RAB3IL1: variants seen among roughly 807,000 people sequenced by gnomAD.
The protein encoded by RAB3IL1 is RAB3A interacting protein like 1.
Under a neutral mutation model 49.2 loss-of-function variants are expected in RAB3IL1, and 37 were observed. The ratio of observed to expected loss-of-function variants is 0.75; its 90% CI spans 0.58 to 0.99. RAB3IL1 has a LOEUF of 0.99. Among genes scored for constraint, RAB3IL1 ranks in the 50% least tolerant of loss-of-function variants. The pLI, the probability that RAB3IL1 is intolerant of heterozygous loss-of-function variation, is 0.00. For synonymous variants in RAB3IL1, 193 were observed against 213.9 expected (o/e 0.90, Z 0.85); for missense variants, 484 against 513.0 (o/e 0.94, Z 0.55).
upstream of RAB3IL1, chr11:61,917,574 AG>A (rs977901926): frequency 5.5e-6 from 6 of 1,081,322 alleles, no homozygotes; most frequent in East Asian, 6.5e-5. Flanking sequence ...CACGTGGCGG[AG>A]GGGGGAGCGG....
chr11:61,905,173 G>C (rs174475), intron 5 of RAB3IL1, among the ~76,000 whole-genome samples: 54,638 of 152,114 alleles, frequency 0.36, 11,442 homozygotes, highest in Non-Finnish European at 0.47. Context: ...AAGACCCTCA[G>C]TGCCTCCTTG....
chr11:61,924,321 T>A (rs1939960959), upstream of RAB3IL1, among the ~76,000 whole-genome samples: 1 of 152,148 alleles, frequency 6.6e-6, no homozygotes, highest in Non-Finnish European at 1.5e-5. Context: ...AGTCGTCATC[T>A]TTGCTTCTTC....
rs1374573939 is a variant in RAB3IL1 at position 61,917,553 on chromosome 11, C to T, written c.-186G>A. On this transcript the variant is annotated 5_prime_UTR_variant, in exon 1 of 10. Transcript: ENST00000394836. ...GCCCCCAGCCCAGCCCCGACCCTGC[C>T]CTGGGCGGGTCACGTGGCGGAGGGG... The T allele has an allele frequency of 4.5e-6, 5 of 1,100,464 alleles. No homozygotes were observed. Among genetic ancestry groups the T allele is most frequent in the Non-Finnish European group, 5.5e-6 (5 of 905,836 alleles). 68.2% of individuals were successfully genotyped at this position (1,100,464 alleles called of 1,614,324 possible).
chr11:61,898,231 G>A lies in RAB3IL1; in HGVS notation c.*47C>T, dbSNP rs373998891. 7.1e-6 allele frequency: 11 copies of A among 1,549,410 alleles called. No homozygotes were observed. In the African/African-American group the frequency reaches 1.2e-4, roughly 17 times the overall value. ...CCTGTGTGTCGGCTTGTTCTGGGGTGGGTGTTTGCTCTGTCTCAGAGCTCC... is the reference window on the plus strand; with the variant it reads ...CCTGTGTGTCGGCTTGTTCTGGGGTAGGTGTTTGCTCTGTCTCAGAGCTCC... On this transcript the variant is annotated 3_prime_UTR_variant, in exon 10 of 10. Coordinates refer to ENST00000394836, the MANE Select transcript of RAB3IL1 (RefSeq NM_013401.4). This position sits in a 1 kb window ranked among gnomAD's most constrained non-coding sequence, Gnocchi z 5.1.
chr11:61,902,452 G>T lies in RAB3IL1; in HGVS notation c.989C>A (p.Ser330Tyr). The change falls in exon 8 of 10, where the codon TCC becomes TAC. Residue 330 changes from serine to tyrosine, a missense_variant. Coordinates refer to ENST00000394836, the MANE Select transcript of RAB3IL1 (RefSeq NM_013401.4). The stretch of plus-strand genomic sequence containing the variant: ...CAAAGGCTGACTCACCCTGGCCCGG[G>T]AAGATGGCGAGATGTAGTAATGGCT... Reference protein sequence around the residue: ...SKSHYYISPSSRARITAVCNF... With the variant: ...SKSHYYISPSYRARITAVCNF... The T allele has an allele frequency of 6.3e-7, 1 of 1,593,162 alleles. No individual in the cohort carries two copies. The highest frequency in any genetic ancestry group is 1.8e-5 in the Admixed American group (1 of 55,132).
Position 61,898,313 on chromosome 11 carries a change from G to A in RAB3IL1, c.1114C>T (p.Leu372=), listed in dbSNP as rs1938716082. 6.2e-7 allele frequency: 1 copy of A among 1,613,476 alleles called. No homozygotes were observed. The change falls in exon 10 of 10, where the codon CTG becomes TTG. Residue 372 remains leucine (L), a synonymous_variant. Coordinates refer to ENST00000394836, the MANE Select transcript of RAB3IL1 (RefSeq NM_013401.4). The surrounding 1 kb of genome is among the most constrained non-coding windows in gnomAD (Gnocchi z 5.1). ...EIMRLRKEMS[L]AKLGFFPQEA is the part of the protein sequence containing the mutation. ...TGGGGGAAGAAGCCGAGCTTGGCCAGTGACATCTCCTTCCGCAACCTCATG... is the reference window on the plus strand; with the variant it reads ...TGGGGGAAGAAGCCGAGCTTGGCCAATGACATCTCCTTCCGCAACCTCATG...
chr11:61,936,744 C>T, the RAB3IL1 span, among the ~76,000 whole-genome samples: 1 of 152,124 alleles, frequency 6.6e-6, no homozygotes, highest in Non-Finnish European at 1.5e-5. Flanking sequence ...CCATGGGGGC[C>T]AGATAGTGGG....
chr11:61,913,977 A>G (rs1196896070), intron 1 of RAB3IL1, among the ~76,000 whole-genome samples: 1 of 152,198 alleles, frequency 6.6e-6, no homozygotes, highest in Non-Finnish European at 1.5e-5. Context: ...CCACCTGTTG[A>G]GGGGTAGAGT....
At chr11:61,923,180 G>A (rs1190851226), upstream of RAB3IL1, among the ~76,000 whole-genome samples, 7 of 152,226 alleles carry the variant, frequency 4.6e-5, no homozygotes, top group Admixed American at 1.3e-4. Flanking sequence ...GAAGCTTTGA[G>A]GATCTTGTCT....
chr11:61,904,683 AG>A, intron 6 of RAB3IL1, 25 bp from the exon 7 acceptor site: 1 of 1,599,190 alleles, frequency 6.3e-7, no homozygotes, highest in South Asian at 1.1e-5. Flanking sequence ...GGAGGCAGGC[AG>A]GGTGGTAAGG....
chr11:61,905,677 G>C (rs553350932), intron 5 of RAB3IL1, among the ~76,000 whole-genome samples: 1 of 152,292 alleles, frequency 6.6e-6, no homozygotes, highest in East Asian at 1.9e-4. Context: ...GTCTTCCCTG[G>C]AGGCCCTGGA....
the RAB3IL1 span, among the ~76,000 whole-genome samples, chr11:61,926,738 G>C: frequency 2.2e-3 from 330 of 152,160 alleles, 3 homozygotes; most frequent in African/African-American, 7.7e-3. Flanking sequence ...ATTTTTAGTA[G>C]AGATGGGGGT....
At chr11:61,914,865 T>C (rs1939609792) in intron 1 of RAB3IL1, among the ~76,000 whole-genome samples, 1 of 152,096 alleles carries the variant, frequency 6.6e-6, no homozygotes, top group Non-Finnish European at 1.5e-5. Context: ...TGTTCTAGGA[T>C]CAACAGTCCC....
the RAB3IL1 span, among the ~76,000 whole-genome samples, chr11:61,934,426 A>G: frequency 0.023 from 952 of 41,820 alleles, 37 homozygotes; most frequent in African/African-American, 0.05. Flanking sequence ...ATATATGTGT[A>G]TGTGTGTGTG....
upstream of RAB3IL1, chr11:61,920,045 C>G: frequency 7.9e-7 from 1 of 1,262,946 alleles, no homozygotes; most frequent in Non-Finnish European, 1.0e-6. Flanking sequence ...GCTCACCTGT[C>G]TGTGCCCCAG....
chr11:61,898,774 C>G lies in RAB3IL1; in HGVS notation c.1067-414G>C. On this transcript the variant is annotated intron_variant, in intron 9 of 9. Coordinates refer to ENST00000394836, the MANE Select transcript of RAB3IL1 (RefSeq NM_013401.4). This position sits in a 1 kb window ranked among gnomAD's most constrained non-coding sequence, Gnocchi z 5.1. ...CCAGGGACCTAGCAGGTGTCAACACCCAGCATGCCTTGGCCTTGGCCTCCA... is the reference window on the plus strand; with the variant it reads ...CCAGGGACCTAGCAGGTGTCAACACGCAGCATGCCTTGGCCTTGGCCTCCA... The G allele has an allele frequency of 2.1e-6, 1 of 473,254 alleles. No homozygotes were observed. The highest frequency in any genetic ancestry group is 3.2e-4 in the Middle Eastern group (1 of 3,162). The allele number at this position is 473,254 out of a possible 1,614,324, so 29.3% of individuals were successfully genotyped here.
In RAB3IL1 at chr11:61,908,149, C is replaced by T. The variant is rs763291599; in HGVS notation, c.169G>A (p.Ala57Thr). 45 of 1,574,330 alleles carry T rather than the reference C, an allele frequency of 2.9e-5. No individual in the cohort carries two copies. The highest frequency in any genetic ancestry group is 1.1e-4 in the Admixed American group (6 of 55,084). Residue 57 changes from alanine (A) to threonine (T), a missense_variant, in exon 2 of 10, where the codon GCC becomes ACC. Coordinates refer to ENST00000394836, the MANE Select transcript of RAB3IL1 (RefSeq NM_013401.4). ...CGCAGGCGCAACACGTCCAGCTGGG[C>T]GGCTGCGGGGCCCTCCTGGCCTTGG... ...EAQGQEGPAA[A>T]QLDVLRLRSS...
Position 61,898,448 on chromosome 11 carries a change from G to C in RAB3IL1, c.1067-88C>G. On this transcript the variant is annotated intron_variant, in intron 9 of 9. Coordinates refer to ENST00000394836, the MANE Select transcript of RAB3IL1 (RefSeq NM_013401.4). The surrounding 1 kb of genome is among the most constrained non-coding windows in gnomAD (Gnocchi z 5.1). ...AGGTCCCCTCCTGTGGCTTTGGACA[G>C]AGCAGCTGGCACAGCACCCTAGGGT... The C allele has an allele frequency of 2.6e-6, 3 of 1,164,886 alleles. No homozygotes were observed. The highest frequency in any genetic ancestry group is 3.8e-6 in the Non-Finnish European group (3 of 785,870). The allele number at this position is 1,164,886 out of a possible 1,614,324, so 72.2% of individuals were successfully genotyped here.
Position 61,902,423 on chromosome 11 carries a change from C to T in RAB3IL1, c.999+19G>A. The T allele has an allele frequency of 6.4e-7, 1 of 1,571,872 alleles. No individual in the cohort carries two copies. The highest frequency in any genetic ancestry group is 8.6e-7 in the Non-Finnish European group (1 of 1,158,842). ...GTGGCCCCAAAGGAGTCAAGTAACGCTTGCAAAGGCTGACTCACCCTGGCC... is the reference window on the plus strand; with the variant it reads ...GTGGCCCCAAAGGAGTCAAGTAACGTTTGCAAAGGCTGACTCACCCTGGCC... On this transcript the variant is annotated intron_variant, in intron 8 of 9. Transcript: ENST00000394836.
Sources: gnomAD v4.1 joint callset for allele counts (sites outside exome capture counted in the v4.1 genomes callset) on GRCh38, gnomAD v4.1.1 for gene constraint, Gnocchi (gnomAD v3.1) non-coding constraint, MANE v1.5 for transcripts, NCBI Gene and HGNC (gene_info 2026-07-23, HGNC 2026-07-21) for gene names.